The following ACAT1 variants were observed in gnomAD, a reference collection of about 807,000 sequenced individuals.
ACAT1 encodes the protein acetyl-CoA acetyltransferase, mitochondrial.
In ACAT1, 28 loss-of-function variants were observed where a neutral mutation model predicts 47.3. The observed-to-expected ratio is 0.59, with a 90% CI of 0.44 to 0.81. ACAT1 has a LOEUF of 0.81. Ranked by LOEUF, ACAT1 falls within the 30% of genes least tolerant of loss-of-function variation. ACAT1 has a pLI of 0.00. For synonymous variants in ACAT1, 181 were observed against 173.6 expected (o/e 1.04, Z -0.34); for missense variants, 469 against 524.3 (o/e 0.89, Z 1.03).
chr11:108,141,585 T>C lies in ACAT1; in HGVS notation c.731-20T>C, dbSNP rs1334023508. 1 of 1,585,874 alleles carries C rather than the reference T, an allele frequency of 6.3e-7. No individual in the cohort carries two copies. Among genetic ancestry groups the C allele is most frequent in the East Asian group, 2.2e-5 (1 of 44,638 alleles). On this transcript the variant is annotated intron_variant, in intron 7 of 11. Transcript: ENST00000265838. ...GACTACTTGTTTTGAGCGATTTTAC[T>C]TAAAATATTTTTATTTTAGGTCAAC...
intron 1 of ACAT1, among the ~76,000 whole-genome samples, chr11:108,124,810 G>A (rs756682119): frequency 3.3e-5 from 5 of 152,048 alleles, no homozygotes; most frequent in Non-Finnish European, 7.4e-5. Flanking sequence ...ATTTTGTTCC[G>A]AATTCGTGGC....
At position 108,133,920 on chromosome 11, in the gene ACAT1, G is replaced by A; in HGVS notation, c.221G>A (p.Gly74Glu). ...AAGCTTGGTTCCATTGCAATTCAGG[G>A]AGCCATTGAAAAGGCAGGTCAGTAG... Reference protein sequence around the residue: ...ATKLGSIAIQGAIEKAGIPKE... With the variant: ...ATKLGSIAIQEAIEKAGIPKE... The change falls in exon 3 of 12, where the codon GGA becomes GAA. Residue 74 changes from glycine (G) to glutamate (E), a missense_variant. Coordinates refer to ENST00000265838, the MANE Select transcript of ACAT1 (RefSeq NM_000019.4). 1 of 1,613,976 alleles carries A rather than the reference G, an allele frequency of 6.2e-7. No homozygotes were observed. Among genetic ancestry groups the A allele is most frequent in the Non-Finnish European group, 8.5e-7 (1 of 1,179,962 alleles).
intron 1 of ACAT1, chr11:108,128,496 CAGG>C (rs1220368073): frequency 1.3e-5 from 2 of 152,370 alleles, no homozygotes; most frequent in African/African-American, 2.4e-5. Flanking sequence ...GAGGCTGAGG[CAGG>C]AGAATTGCTT....
intron 5 of ACAT1, among the ~76,000 whole-genome samples, chr11:108,137,455 A>G (rs1330521459): frequency 6.6e-6 from 1 of 152,234 alleles, no homozygotes. Flanking sequence ...AATGAGTCAG[A>G]TGAGTGTTGA....
intron 2 of ACAT1, among the ~76,000 whole-genome samples, chr11:108,133,519 G>A (rs2135333283): frequency 6.6e-6 from 1 of 152,112 alleles, no homozygotes; most frequent in East Asian, 1.9e-4. Context: ...AAAAAAACAA[G>A]GTACAGTGAT....
At chr11:108,132,156 G>C (rs1591360608) in intron 2 of ACAT1, among the ~76,000 whole-genome samples, 2 of 152,262 alleles carry the variant, frequency 1.3e-5, no homozygotes, top group South Asian at 2.1e-4. Flanking sequence ...AATGTTTGTT[G>C]CTTCCTTATA....
Position 108,144,050 on chromosome 11 carries a change from G to A in ACAT1, c.1005+3G>A, listed in dbSNP as rs1312714978. ...CTCCTGTATATGCTGCATCTATGGTGAGAACAAAGTGAGGGGCGATACTCC... is the reference window on the plus strand; with the variant it reads ...CTCCTGTATATGCTGCATCTATGGTAAGAACAAAGTGAGGGGCGATACTCC... On this transcript the variant is annotated splice_donor_region_variant and intron_variant, in intron 10 of 11. Transcript: ENST00000265838. 1.9e-6 allele frequency: 3 copies of A among 1,575,808 alleles called. No individual in the cohort carries two copies. In the Admixed American group the frequency reaches 5.1e-5, roughly 27 times the overall value.
Position 108,146,289 on chromosome 11 carries a change from A to G in ACAT1, c.1093A>G (p.Lys365Glu). The G allele has an allele frequency of 6.2e-7, 1 of 1,613,836 alleles. No individual in the cohort carries two copies. The highest frequency in any genetic ancestry group is 8.5e-7 in the Non-Finnish European group (1 of 1,179,750). Residue 365 changes from lysine to glutamate, a missense_variant, in exon 11 of 12, where the codon AAA becomes GAA. Coordinates refer to ENST00000265838, the MANE Select transcript of ACAT1 (RefSeq NM_000019.4). ...AFSLVVLANI[K>E]MLEIDPQKVN... is the part of the protein sequence containing the mutation. ...TAGTCTGGTTGTACTAGCAAACATT[A>G]AAATGTTGGAGATTGATCCCCAAAA...
chr11:108,123,696 T>A lies in ACAT1; in HGVS notation c.72+2018T>A, dbSNP rs187376889. Among the ~76,000 whole-genome samples, 48 of 152,314 alleles carry A rather than the reference T, an allele frequency of 3.2e-4. No individual in the cohort carries two copies. In the South Asian group the frequency reaches 4.4e-3, roughly 14 times the overall value. On this transcript the variant is annotated intron_variant, in intron 1 of 11. Transcript: ENST00000265838. ...TTTCTTTGTTTTTTAATTATTTTTT[T>A]AAATCTATTTTAATTTTAGTTTTTG...
intron 6 of ACAT1, 91 bp from the exon 7 acceptor site, chr11:108,139,974 T>C: frequency 6.9e-7 from 1 of 1,441,940 alleles, no homozygotes; most frequent in East Asian, 2.5e-5. Context: ...TTAAGAAACG[T>C]TAACTATTAA....
chr11:108,138,634 T>A (rs937515206), intron 5 of ACAT1: 14 of 426,644 alleles, frequency 3.3e-5, no homozygotes, highest in African/African-American at 2.6e-4. Flanking sequence ...TGACCTCAAG[T>A]GATCCACCTG....
In ACAT1 at chr11:108,141,703, T is replaced by G. The variant is rs748649526; in HGVS notation, c.826+3T>G. 6 of 1,606,240 alleles carry G rather than the reference T, an allele frequency of 3.7e-6. No homozygotes were observed. The African/African-American group carries it at 4.0e-5, about 11-fold the overall frequency. ...GACAGTTTTCCAGAAAGAAAATGGT[T>G]AGTGTTAAGAAATGAAGCATAAGAA... On this transcript the variant is annotated splice_donor_region_variant and intron_variant, in intron 8 of 11. Coordinates refer to ENST00000265838, the MANE Select transcript of ACAT1 (RefSeq NM_000019.4).
At chr11:108,134,014 T>C (rs2077413004) in intron 3 of ACAT1, 77 bp downstream of exon 3, 2 of 1,356,036 alleles carry the variant, frequency 1.5e-6, no homozygotes, top group Non-Finnish European at 2.1e-6. Context: ...GCATTAACTA[T>C]GTATGTAACA....
chr11:108,128,062 A>G (rs1163168348), intron 1 of ACAT1: 1 of 152,126 alleles, frequency 6.6e-6, no homozygotes, highest in Non-Finnish European at 1.5e-5. Context: ...ACTGCTCAGC[A>G]TATTTCTCAA....
intron 5 of ACAT1, 159 bp from the exon 6 acceptor site, chr11:108,138,739 C>CA (rs1468258313): frequency 1.2e-6 from 1 of 832,480 alleles, no homozygotes; most frequent in African/African-American, 1.7e-5. Flanking sequence ...TTCTTTTCAT[C>CA]AGGGTGAAGT....
intron 5 of ACAT1, chr11:108,136,105 C>A: frequency 1.4e-6 from 1 of 704,128 alleles, no homozygotes. Flanking sequence ...CAAAAATATG[C>A]TGTCATGTCA....
intron 10 of ACAT1, 76 bp from the exon 11 acceptor site, chr11:108,146,126 G>C (rs768700945): frequency 3.3e-6 from 4 of 1,203,774 alleles, no homozygotes; most frequent in South Asian, 1.2e-5. Context: ...TCAAACTGTA[G>C]TATTTCAAGG....
intron 1 of ACAT1, among the ~76,000 whole-genome samples, chr11:108,129,840 G>C (rs1237394954): frequency 6.6e-6 from 1 of 152,172 alleles, no homozygotes; most frequent in African/African-American, 2.4e-5. Flanking sequence ...CAGCTGGCTG[G>C]GTACAGGGAT....
chr11:108,134,387 G>A (rs1565288894), intron 4 of ACAT1, 71 bp downstream of exon 4: 14 of 1,236,152 alleles, frequency 1.1e-5, no homozygotes, highest in Admixed American at 1.7e-5. Context: ...GCTCATGCCT[G>A]TAATCCCAGC....
Sources: gnomAD v4.1 joint callset for allele counts (sites outside exome capture counted in the v4.1 genomes callset) on GRCh38, gnomAD v4.1.1 for gene constraint, MANE v1.5 for transcripts, NCBI Gene and HGNC (gene_info 2026-07-23, HGNC 2026-07-21) for gene names.